The following RASAL2 variants were observed in gnomAD, a reference collection of about 807,000 sequenced individuals.
RASAL2 encodes RAS protein activator like 2.
RASAL2 carries 58 observed loss-of-function variants against 128.9 expected under a neutral mutation model. The ratio of observed to expected loss-of-function variants is 0.45; its 90% CI spans 0.36 to 0.56. The LOEUF is 0.56. RASAL2 is among the 20% of genes least tolerant of loss of function. The pLI is 0.00. For synonymous variants in RASAL2, 561 were observed against 580.8 expected, an observed-to-expected ratio of 0.97 and a Z score of 0.49; for missense variants, 1,360 against 1,601.6, an observed-to-expected ratio of 0.85 and a Z score of 2.57.
chr1:178,147,614 TTA>T (rs1660779146), intron 1 of RASAL2, among the ~76,000 whole-genome samples: 1 of 151,922 alleles, frequency 6.6e-6, no homozygotes, highest in African/African-American at 2.4e-5. Context: ...ATAAATGGGA[TTA>T]TATGAGGCAA....
At chr1:178,284,061 G>T in intron 2 of RASAL2, among the ~76,000 whole-genome samples, 1 of 152,160 alleles carries the variant, frequency 6.6e-6, no homozygotes, top group Non-Finnish European at 1.5e-5. Context: ...ATTGAAAGAG[G>T]TTTATTGGAG....
chr1:178,386,868 G>A (rs1672601909), intron 3 of RASAL2, among the ~76,000 whole-genome samples: 1 of 152,188 alleles, frequency 6.6e-6, no homozygotes, highest in African/African-American at 2.4e-5. Context: ...TGGAACTAGT[G>A]TAGATTTTCC....
In RASAL2 at chr1:178,458,140, A is replaced by G; in HGVS notation, c.2848A>G (p.Thr950Ala). Reference protein sequence around the residue: ...SIDSSLENLSTASSRSQSNSE... With the variant: ...SIDSSLENLSAASSRSQSNSE... ...AGATTCCAGTTTGGAGAACCTAAGCACTGCCAGTTCCAGAAGCCAAAGTAA... is the reference window on the plus strand; with the variant it reads ...AGATTCCAGTTTGGAGAACCTAAGCGCTGCCAGTTCCAGAAGCCAAAGTAA... The change falls in exon 14 of 18, where the codon ACT becomes GCT. Residue 950 changes from threonine to alanine, a missense_variant. By Grantham distance (58) the Thr-to-Ala change is moderately conservative. Coordinates refer to ENST00000367649, the MANE Select transcript of RASAL2 (RefSeq NM_170692.4). 1 of 1,614,108 alleles carries G rather than the reference A, an allele frequency of 6.2e-7. No homozygotes were observed. The highest frequency in any genetic ancestry group is 2.2e-5 in the East Asian group (1 of 44,896).
Position 178,094,467 on chromosome 1 carries a change from T to C in RASAL2, c.-26T>C, listed in dbSNP as rs1332879913. The C allele has an allele frequency of 3.9e-6, 6 of 1,526,712 alleles. No individual in the cohort carries two copies. The highest frequency in any genetic ancestry group is 2.0e-5 in the Admixed American group (1 of 49,370). 94.6% of individuals were successfully genotyped at this position (1,526,712 alleles called of 1,614,324 possible). On this transcript the variant is annotated 5_prime_UTR_variant, in exon 1 of 18. Coordinates refer to ENST00000367649, the MANE Select transcript of RASAL2 (RefSeq NM_170692.4). ...GCCAGCCCGCCCCGAAGCCGCCGCC[T>C]CGTCCCCCTCCCGCCTCGGGGCACC... is the stretch of plus-strand genomic sequence containing the variant.
intron 1 of RASAL2, among the ~76,000 whole-genome samples, chr1:178,099,925 G>C (rs994331837): frequency 6.6e-6 from 1 of 152,068 alleles, no homozygotes; most frequent in Non-Finnish European, 1.5e-5. Flanking sequence ...TTCCACCGTT[G>C]CACTGCAGCC....
intron 16 of RASAL2, among the ~76,000 whole-genome samples, chr1:178,466,699 C>A (rs941334478): frequency 1.1e-4 from 16 of 152,162 alleles, no homozygotes; most frequent in Admixed American, 6.5e-5. Context: ...AGTCACTTGC[C>A]CAAGGTCACA....
intron 1 of RASAL2, among the ~76,000 whole-genome samples, chr1:178,240,467 G>A (rs1664450688): frequency 2.0e-5 from 3 of 150,388 alleles, no homozygotes; most frequent in Admixed American, 6.7e-5. Context: ...TTTTTATCCA[G>A]TTTTTTTTTC....
intron 1 of RASAL2, among the ~76,000 whole-genome samples, chr1:178,100,302 G>T (rs1434000238): frequency 6.6e-6 from 1 of 151,706 alleles, no homozygotes; most frequent in Non-Finnish European, 1.5e-5. Context: ...GATCACCTGA[G>T]GTAAGGAGTT....
chr1:178,288,860 A>C (rs574080297), intron 2 of RASAL2, among the ~76,000 whole-genome samples: 4 of 152,064 alleles, frequency 2.6e-5, no homozygotes, highest in Non-Finnish European at 5.9e-5. Flanking sequence ...CATGTTGGCC[A>C]GGCTGGACTC....
chr1:178,160,123 A>C (rs1387009885), intron 1 of RASAL2, among the ~76,000 whole-genome samples: 4 of 151,720 alleles, frequency 2.6e-5, no homozygotes, highest in African/African-American at 7.3e-5. Context: ...ATATGTATAC[A>C]TGTGTCATGT....
At chr1:178,453,084 C>T (rs1012147734) in intron 11 of RASAL2, among the ~76,000 whole-genome samples, 2 of 152,010 alleles carry the variant, frequency 1.3e-5, no homozygotes, top group Non-Finnish European at 2.9e-5. Flanking sequence ...AGACAATTAT[C>T]CTGGCCACTT....
Position 178,394,204 on chromosome 1 carries a change from A to C in RASAL2, c.564+3998A>C, listed in dbSNP as rs529098017. Among the ~76,000 whole-genome samples, 42 of 152,286 alleles carry C rather than the reference A, an allele frequency of 2.8e-4. No homozygotes were observed. The South Asian group carries it at 6.6e-3, about 24-fold the overall frequency. ...ATGTATAAATTCACAATGTTTTTGC[A>C]CATCTGAGTTTTGACTGTTCTTCAA... On this transcript the variant is annotated intron_variant, in intron 4 of 17. Coordinates refer to ENST00000367649, the MANE Select transcript of RASAL2 (RefSeq NM_170692.4).
At chr1:178,422,278 T>C (rs922522613) in intron 5 of RASAL2, among the ~76,000 whole-genome samples, 1 of 152,102 alleles carries the variant, frequency 6.6e-6, no homozygotes. Flanking sequence ...TCCCAGAGTC[T>C]CTTGTATTTC....
chr1:178,368,066 A>T (rs1028224427), intron 3 of RASAL2, among the ~76,000 whole-genome samples: 3 of 152,160 alleles, frequency 2.0e-5, no homozygotes, highest in African/African-American at 7.2e-5. Flanking sequence ...GTTGCAGCAG[A>T]TTATATGACC....
chr1:178,315,437 C>A (rs1302339001), intron 3 of RASAL2, among the ~76,000 whole-genome samples: 3 of 144,270 alleles, frequency 2.1e-5, no homozygotes, highest in Non-Finnish European at 4.5e-5. Context: ...TTCTCCACAT[C>A]CTCTCCAGCA....
chr1:178,142,770 G>A (rs1660580526), intron 1 of RASAL2, among the ~76,000 whole-genome samples: 1 of 152,152 alleles, frequency 6.6e-6, no homozygotes, highest in African/African-American at 2.4e-5. Context: ...AAACCTCGGG[G>A]AAGTCCGAAT....
chr1:178,288,635 T>C (rs1185186338), intron 2 of RASAL2, among the ~76,000 whole-genome samples: 2 of 145,878 alleles, frequency 1.4e-5, no homozygotes, highest in African/African-American at 5.3e-5. Flanking sequence ...TGCTATTCTT[T>C]CTCTCTCTTT....
intron 1 of RASAL2, among the ~76,000 whole-genome samples, chr1:178,141,064 A>G (rs1406901441): frequency 6.6e-6 from 1 of 152,034 alleles, no homozygotes; most frequent in Non-Finnish European, 1.5e-5. Flanking sequence ...TCTTATGTGA[A>G]CTCAGAGCGA....
rs2102979046 is a variant in RASAL2 at position 178,474,316 on chromosome 1, G to T, written c.*1077G>T. 6.6e-6 allele frequency: 1 copy of T among 152,658 alleles called. No homozygotes were observed. The highest frequency in any genetic ancestry group is 1.9e-4 in the East Asian group (1 of 5,182). 9.5% of individuals were successfully genotyped at this position (152,658 alleles called of 1,614,324 possible). On this transcript the variant is annotated 3_prime_UTR_variant, in exon 18 of 18. Transcript: ENST00000367649. ...TGTTATAATTTTTGTTTGGGATAAA[G>T]ACTCTATCCATTGTACTAGCAAATC... is the stretch of plus-strand genomic sequence containing the variant.
Sources: allele counts gnomAD v4.1 joint callset (sites outside exome capture counted in the v4.1 genomes callset), GRCh38; gene constraint gnomAD v4.1.1; transcripts MANE v1.5; gene names NCBI Gene and HGNC (gene_info 2026-07-23, HGNC 2026-07-21).